TIGD1: variants seen among roughly 807,000 people sequenced by gnomAD.
TIGD1 encodes the protein tigger transposable element derived 1.
A neutral mutation model predicts 21.3 loss-of-function variants in TIGD1; 20 were observed. The ratio of observed to expected loss-of-function variants is 0.94; its 90% CI spans 0.66 to 1.36. TIGD1 has a LOEUF of 1.36. Among genes scored for constraint, TIGD1 ranks in the 40% most tolerant of loss-of-function variants. TIGD1 has a pLI of 0.00. For missense variants in TIGD1, 556 were observed against 350.5 expected (o/e 1.59, Z -4.68); for synonymous variants, 177 against 123.2 (o/e 1.44, Z -2.89).
Position 232,549,675 on chromosome 2 carries a change from G to A in TIGD1, c.208C>T (p.Arg70Ter), listed in dbSNP as rs374611526. ...AGGCTGTTTCGCTTTCTTATCATTC[G>A]TGTGTTCATTGGAGTAGCACTTTTA... ...EVKSATPMNTRMIRKRNSLIA... is the reference protein window; with the variant it reads ...EVKSATPMNT The change falls in exon 1 of 1, where the codon CGA (arginine) becomes TGA (stop). Residue 70 changes from arginine to a stop codon, truncating the protein, a stop_gained. Coordinates refer to ENST00000408957, the MANE Select transcript of TIGD1 (RefSeq NM_145702.4). LOFTEE classifies it high-confidence loss of function. 1.1e-5 allele frequency: 8 copies of A among 732,006 alleles called. No homozygotes were observed. Among genetic ancestry groups the A allele is most frequent in the South Asian group, 3.0e-5 (2 of 67,648 alleles). 45.3% of individuals were successfully genotyped at this position (732,006 alleles called of 1,614,324 possible).
Position 232,544,711 on chromosome 2 carries a change from C to T in TIGD1, c.*3396G>A. Reference sequence around the variant, plus strand: ...GGAGCTGGGGTCCCTAAGGAGAGGCCATCTTCTCTGCCTGTTTCTCCTCCA... The same window carrying T: ...GGAGCTGGGGTCCCTAAGGAGAGGCTATCTTCTCTGCCTGTTTCTCCTCCA... On this transcript the variant is annotated 3_prime_UTR_variant, in exon 1 of 1. Transcript: ENST00000408957. 3.7e-6 allele frequency: 6 copies of T among 1,602,522 alleles called. No homozygotes were observed. The highest frequency in any genetic ancestry group is 1.1e-5 in the South Asian group (1 of 90,682).
In TIGD1 at chr2:232,549,580, G is replaced by T; in HGVS notation, c.303C>A (p.Ser101Arg). ...GGGCTTTGTTCTGGATTAGGCTTTG[G>T]CTTAAGGGAATGTTGCGGCTGGTCT... ...EDQTSRNIPL[S>R]QSLIQNKALT... The change falls in exon 1 of 1, where the codon AGC becomes AGA. Residue 101 changes from serine to arginine, a missense_variant. By Grantham distance (110) the Ser-to-Arg change is moderately radical. Coordinates refer to ENST00000408957, the MANE Select transcript of TIGD1 (RefSeq NM_145702.4). 1.5e-6 allele frequency: 1 copy of T among 680,180 alleles called. No homozygotes were observed. Among genetic ancestry groups the T allele is most frequent in the Non-Finnish European group, 2.7e-6 (1 of 376,896 alleles). The allele number at this position is 680,180 out of a possible 1,614,324, so 42.1% of individuals were successfully genotyped here. A position where few individuals can be genotyped will look rare whatever the true frequency, so the allele number is the denominator to read the frequency against.
At position 232,545,882 on chromosome 2, in the gene TIGD1, G is replaced by T; in HGVS notation, c.*2225C>A. 1.2e-6 allele frequency: 1 copy of T among 819,094 alleles called. No individual in the cohort carries two copies. The highest frequency in any genetic ancestry group is 2.0e-6 in the Non-Finnish European group (1 of 497,056). The allele number at this position is 819,094 out of a possible 1,614,324, so 50.7% of individuals were successfully genotyped here. On this transcript the variant is annotated 3_prime_UTR_variant, in exon 1 of 1. Coordinates refer to ENST00000408957, the MANE Select transcript of TIGD1 (RefSeq NM_145702.4). ...AAAAGCTGGGGAAACAGTCTGAGCT[G>T]GAGTCCGAGAGTGGTTGGGGGTGGG...
rs760278781 is a variant in TIGD1 at position 232,550,429 on chromosome 2, C to CT, written c.-548dup. Reference sequence around the variant, plus strand: ...CGCGCCGTCAACGACGCGGTGCTGCCTTTTTTCCGAGCCGCTGCGGGAGGG... The same window carrying CT: ...CGCGCCGTCAACGACGCGGTGCTGCCTTTTTTTCCGAGCCGCTGCGGGAGGG... On this transcript the variant is annotated 5_prime_UTR_variant, in exon 1 of 1. Transcript: ENST00000408957. 9 of 501,122 alleles carry CT rather than the reference C, an allele frequency of 1.8e-5. No individual in the cohort carries two copies. The highest frequency in any genetic ancestry group is 3.2e-5 in the Non-Finnish European group (9 of 277,800). The allele number at this position is 501,122 out of a possible 1,614,324, so 31.0% of individuals were successfully genotyped here.
rs965008781 is a variant in TIGD1, at chr2:232,547,333, G to A, written c.*774C>T. ...CTCGGGAGGCTGAGGTGGGAGGATC[G>A]CTTGAGCCCAGGAGGTCTAGGCTGC... On this transcript the variant is annotated 3_prime_UTR_variant, in exon 1 of 1. Coordinates refer to ENST00000408957, the MANE Select transcript of TIGD1 (RefSeq NM_145702.4). Among the ~76,000 whole-genome samples, 5 of 152,144 alleles carry A rather than the reference G, an allele frequency of 3.3e-5. No homozygotes were observed. Among genetic ancestry groups the A allele is most frequent in the Non-Finnish European group, 5.9e-5 (4 of 68,024 alleles).
rs1692260876 is a variant in TIGD1, at chr2:232,550,505, A to AGAG, written c.-626_-624dup. The AGAG allele has an allele frequency of 1.7e-6, 1 of 599,666 alleles. No homozygotes were observed. Among genetic ancestry groups the AGAG allele is most frequent in the Non-Finnish European group, 3.0e-6 (1 of 338,818 alleles). 37.1% of individuals were successfully genotyped at this position (599,666 alleles called of 1,614,324 possible). A position where few individuals can be genotyped will look rare whatever the true frequency, so the allele number is the denominator to read the frequency against. On this transcript the variant is annotated 5_prime_UTR_variant, in exon 1 of 1. Transcript: ENST00000408957. Reference sequence around the variant, plus strand: ...GCGGGCGGGTCACAAGGACCTGGACAGAGGCAGAACTGAGGCCAGCAGCCA... The same window carrying AGAG: ...GCGGGCGGGTCACAAGGACCTGGACAGAGGAGGCAGAACTGAGGCCAGCAGCCA...
In TIGD1 at chr2:232,549,444, T is replaced by C. The variant is rs1692221854; in HGVS notation, c.439A>G (p.Asn147Asp). The change falls in exon 1 of 1, where the codon AAC becomes GAC. Residue 147 changes from asparagine (N) to aspartate (D), a missense_variant. Transcript: ENST00000408957. Reference protein sequence around the residue: ...MRFKERSHFHNIKAQGEAASA... With the variant: ...MRFKERSHFHDIKAQGEAASA... ...GCTGCTTCACCTTGTGCTTTTATGT[T>C]ATGGAAATGGCTTCTTTCCTTAAAC... 4 of 658,172 alleles carry C rather than the reference T, an allele frequency of 6.1e-6. No individual in the cohort carries two copies. The highest frequency in any genetic ancestry group is 8.1e-6 in the Non-Finnish European group (3 of 368,556). 40.8% of individuals were successfully genotyped at this position (658,172 alleles called of 1,614,324 possible).
rs368612307 is a variant in TIGD1 at position 232,544,827 on chromosome 2, C to A, written c.*3280G>T. On this transcript the variant is annotated 3_prime_UTR_variant, in exon 1 of 1. Transcript: ENST00000408957. ...TCTGTGGCAGCCTGAAGCAGGCTGC[C>A]CCAGCCATCCAGGCCTGTGTGGAAG... 6.2e-7 allele frequency: 1 copy of A among 1,613,710 alleles called. No homozygotes were observed. The highest frequency in any genetic ancestry group is 1.7e-5 in the Admixed American group (1 of 60,008).
In TIGD1 at chr2:232,550,486, G is replaced by T; in HGVS notation, c.-604C>A. The stretch of plus-strand genomic sequence containing the variant: ...GACACGCTCCCTTAGGAGAGCGGGC[G>T]GGTCACAAGGACCTGGACAGAGGCA... On this transcript the variant is annotated 5_prime_UTR_variant, in exon 1 of 1. Transcript: ENST00000408957. The T allele has an allele frequency of 1.8e-6, 1 of 552,692 alleles. No individual in the cohort carries two copies. Among genetic ancestry groups the T allele is most frequent in the South Asian group, 2.5e-5 (1 of 40,410 alleles). 34.2% of individuals were successfully genotyped at this position (552,692 alleles called of 1,614,324 possible).
chr2:232,544,964 G>C lies in TIGD1; in HGVS notation c.*3143C>G, dbSNP rs1254121749. The C allele has an allele frequency of 6.2e-7, 1 of 1,607,688 alleles. No individual in the cohort carries two copies. Among genetic ancestry groups the C allele is most frequent in the Non-Finnish European group, 8.5e-7 (1 of 1,176,514 alleles). Reference sequence around the variant, plus strand: ...TACCTGGGCTTGGAACCGTGATAGAGACAGGATGAGTGGGGTTGCCAAGAT... The same window carrying C: ...TACCTGGGCTTGGAACCGTGATAGACACAGGATGAGTGGGGTTGCCAAGAT... On this transcript the variant is annotated 3_prime_UTR_variant, in exon 1 of 1. Coordinates refer to ENST00000408957, the MANE Select transcript of TIGD1 (RefSeq NM_145702.4).
chr2:232,545,339 A>G lies in TIGD1; in HGVS notation c.*2768T>C, dbSNP rs376060872. 3.3e-3 allele frequency among the ~76,000 whole-genome samples: 478 copies of G among 146,820 alleles called. 2 individuals carry two copies. Among genetic ancestry groups the G allele is most frequent in the African/African-American group, 0.011 (439 of 40,968 alleles). The stretch of plus-strand genomic sequence containing the variant: ...GTCTCAAAAAAAAAAAAAAGGAAAG[A>G]AAGAAAGAAAAAGGAACAGGGGCAG... On this transcript the variant is annotated 3_prime_UTR_variant, in exon 1 of 1. Transcript: ENST00000408957.
At position 232,549,396 on chromosome 2, in the gene TIGD1, C is replaced by A. The variant is rs1384293282; in HGVS notation, c.487G>T (p.Ala163Ser). ...TTAGCTAAAGCTTCTGGATAACTTG[C>A]TGCAGCTTCTACATCAGCACTTGCT... ...EAASADVEAAASYPEALAKII... is the reference protein window; with the variant it reads ...EAASADVEAASSYPEALAKII... Residue 163 changes from alanine to serine, a missense_variant, in exon 1 of 1, where the codon GCA becomes TCA. Coordinates refer to ENST00000408957, the MANE Select transcript of TIGD1 (RefSeq NM_145702.4). The A allele has an allele frequency of 4.7e-6, 3 of 636,764 alleles. No individual in the cohort carries two copies. Among genetic ancestry groups the A allele is most frequent in the African/African-American group, 1.8e-5 (1 of 55,500 alleles). The allele number at this position is 636,764 out of a possible 1,614,324, so 39.4% of individuals were successfully genotyped here. A position where few individuals can be genotyped will look rare whatever the true frequency, so the allele number is the denominator to read the frequency against.
At position 232,544,461 on chromosome 2, in the gene TIGD1, G is replaced by A; in HGVS notation, c.*3646C>T. On this transcript the variant is annotated 3_prime_UTR_variant, in exon 1 of 1. Coordinates refer to ENST00000408957, the MANE Select transcript of TIGD1 (RefSeq NM_145702.4). ...GACACCCAGTCCCGGCTACAGAATGGCTCCTCGGGATGGTCGATCACAACT... is the reference window on the plus strand; with the variant it reads ...GACACCCAGTCCCGGCTACAGAATGACTCCTCGGGATGGTCGATCACAACT... 1 of 1,613,724 alleles carries A rather than the reference G, an allele frequency of 6.2e-7. No homozygotes were observed. The highest frequency in any genetic ancestry group is 8.5e-7 in the Non-Finnish European group (1 of 1,179,988).
At position 232,548,099 on chromosome 2, in the gene TIGD1, G is replaced by T; in HGVS notation, c.*8C>A. ...TAAAAATACTTTATTGCTAAAAAAT[G>T]CTGATTATCAATCTGAGCCTTCGGT... On this transcript the variant is annotated 3_prime_UTR_variant, in exon 1 of 1. Transcript: ENST00000408957. 1 of 651,120 alleles carries T rather than the reference G, an allele frequency of 1.5e-6. No homozygotes were observed. The highest frequency in any genetic ancestry group is 2.5e-6 in the Non-Finnish European group (1 of 395,424). 40.3% of individuals were successfully genotyped at this position (651,120 alleles called of 1,614,324 possible). A position where few individuals can be genotyped will look rare whatever the true frequency, so the allele number is the denominator to read the frequency against.
Position 232,549,758 on chromosome 2 carries a change from A to T in TIGD1, c.125T>A (p.Leu42His). 1 of 1,406,914 alleles carries T rather than the reference A, an allele frequency of 7.1e-7. No homozygotes were observed. The highest frequency in any genetic ancestry group is 9.8e-7 in the Non-Finnish European group (1 of 1,015,278). The allele number at this position is 1,406,914 out of a possible 1,614,324, so 87.2% of individuals were successfully genotyped here. Residue 42 changes from leucine (L) to histidine (H), a missense_variant, in exon 1 of 1, where the codon CTC (leucine) becomes CAC (histidine). Leu to His is a moderately conservative substitution (Grantham distance 99). Coordinates refer to ENST00000408957, the MANE Select transcript of TIGD1 (RefSeq NM_145702.4). ...SKAEIGRRLG[L>H]LRQTVSQVVN... ...AACTTGGCTAACTGTTTGCCGCAGG[A>T]GGCCTAGCCTTCGGCCTATCTCGGC...
rs941461385 is a variant in TIGD1, at chr2:232,544,698, C to T, written c.*3409G>A. The T allele has an allele frequency of 2.2e-5, 35 of 1,589,994 alleles. No homozygotes were observed. Among genetic ancestry groups the T allele is most frequent in the Non-Finnish European group, 2.8e-5 (33 of 1,159,770 alleles). On this transcript the variant is annotated 3_prime_UTR_variant, in exon 1 of 1. Transcript: ENST00000408957. ...GGTCAGGGAGAGAGGAGCTGGGGTC[C>T]CTAAGGAGAGGCCATCTTCTCTGCC...
In TIGD1 at chr2:232,547,752, G is replaced by A. The variant is rs1692157519; in HGVS notation, c.*355C>T. 1.3e-5 allele frequency among the ~76,000 whole-genome samples: 2 copies of A among 152,234 alleles called. No homozygotes were observed. Among genetic ancestry groups the A allele is most frequent in the South Asian group, 4.1e-4 (2 of 4,834 alleles). ...TTCCCACCAGCCCCTTACTAGTTGT[G>A]TATCTGGCACAAGTCTCTCAACCTC... is the stretch of plus-strand genomic sequence containing the variant. On this transcript the variant is annotated 3_prime_UTR_variant, in exon 1 of 1. Transcript: ENST00000408957.
chr2:232,546,259 C>T lies in TIGD1; in HGVS notation c.*1848G>A, dbSNP rs1692132543. 1.3e-5 allele frequency: 2 copies of T among 155,390 alleles called. No homozygotes were observed. The highest frequency in any genetic ancestry group is 2.8e-5 in the Non-Finnish European group (2 of 70,558). 9.6% of individuals were successfully genotyped at this position (155,390 alleles called of 1,614,324 possible). ...CCCCAGTGGCCTTTCCATTCATGTG[C>T]ATTTTTCTGCCACTGACCACAAGAC... On this transcript the variant is annotated 3_prime_UTR_variant, in exon 1 of 1. Coordinates refer to ENST00000408957, the MANE Select transcript of TIGD1 (RefSeq NM_145702.4).
At position 232,545,880 on chromosome 2, in the gene TIGD1, C is replaced by T; in HGVS notation, c.*2227G>A. 1.2e-6 allele frequency: 1 copy of T among 826,950 alleles called. No homozygotes were observed. Among genetic ancestry groups the T allele is most frequent in the Non-Finnish European group, 2.0e-6 (1 of 503,618 alleles). 51.2% of individuals were successfully genotyped at this position (826,950 alleles called of 1,614,324 possible). A position where few individuals can be genotyped will look rare whatever the true frequency, so the allele number is the denominator to read the frequency against. On this transcript the variant is annotated 3_prime_UTR_variant, in exon 1 of 1. Transcript: ENST00000408957. ...AGAAAAGCTGGGGAAACAGTCTGAG[C>T]TGGAGTCCGAGAGTGGTTGGGGGTG...
Sources: allele counts gnomAD v4.1 joint callset (sites outside exome capture counted in the v4.1 genomes callset), GRCh38; gene constraint gnomAD v4.1.1; transcripts MANE v1.5; gene names NCBI Gene and HGNC (gene_info 2026-07-23, HGNC 2026-07-21).